TRPM3: variants seen among roughly 807,000 people sequenced by gnomAD.
TRPM3 encodes transient receptor potential cation channel subfamily M member 3, also known as long transient receptor potential channel 3.
In TRPM3, 77 loss-of-function variants were observed where a neutral mutation model predicts 181.2. The ratio of observed to expected loss-of-function variants is 0.42; its 90% CI spans 0.35 to 0.51. The LOEUF (loss-of-function observed/expected upper bound fraction) is 0.51, where lower values mean the gene tolerates loss of function less well. Ranked by LOEUF, TRPM3 falls within the 20% of genes least tolerant of loss-of-function variation. TRPM3 has a pLI of 0.01. For synonymous variants in TRPM3, 745 were observed against 796.4 expected, an observed-to-expected ratio of 0.94 and a Z score of 1.09; for missense variants, 1,759 against 2,196.7, an observed-to-expected ratio of 0.80 and a Z score of 3.98.
intron 22 of TRPM3, among the ~76,000 whole-genome samples, chr9:70,583,460 T>C (rs1342832063): frequency 6.6e-6 from 1 of 152,208 alleles, no homozygotes; most frequent in Non-Finnish European, 1.5e-5. Flanking sequence ...AAGTGCTCTG[T>C]TAAAGGCAGA....
At chr9:70,972,031 A>G (rs2097252355) in intron 1 of TRPM3, among the ~76,000 whole-genome samples, 1 of 152,226 alleles carries the variant, frequency 6.6e-6, no homozygotes, top group Admixed American at 6.5e-5. Flanking sequence ...ACAGTCTAGC[A>G]GTTCCTCAAA....
intron 1 of TRPM3, among the ~76,000 whole-genome samples, chr9:71,417,827 A>G (rs2093659851): frequency 6.6e-6 from 1 of 151,972 alleles, no homozygotes; most frequent in Non-Finnish European, 1.5e-5. Context: ...CTGTATATCC[A>G]TCTTTATCTG....
At chr9:71,180,708 C>G (rs2077352821) in intron 1 of TRPM3, among the ~76,000 whole-genome samples, 1 of 152,062 alleles carries the variant, frequency 6.6e-6, no homozygotes, top group South Asian at 2.1e-4. Context: ...ATACTTTTTA[C>G]TAAAAAGAAG....
chr9:70,993,651 A>G (rs2097511025), intron 1 of TRPM3, among the ~76,000 whole-genome samples: 1 of 152,090 alleles, frequency 6.6e-6, no homozygotes, highest in Non-Finnish European at 1.5e-5. Context: ...CCAAGTCGAG[A>G]TGGTCTTTGA....
intron 1 of TRPM3, among the ~76,000 whole-genome samples, chr9:70,868,675 A>G (rs1264688603): frequency 1.3e-5 from 2 of 152,012 alleles, no homozygotes; most frequent in Non-Finnish European, 2.9e-5. Flanking sequence ...CCTCTTCAGC[A>G]GGGCAGCTTA....
chr9:71,435,316 C>T (rs1379318858), intron 1 of TRPM3, among the ~76,000 whole-genome samples: 2 of 152,134 alleles, frequency 1.3e-5, no homozygotes, highest in African/African-American at 2.4e-5. Context: ...TTCATTTCTC[C>T]CCTCTGTAGC....
intron 1 of TRPM3, among the ~76,000 whole-genome samples, chr9:71,153,792 G>T (rs1407847520): frequency 6.6e-6 from 1 of 152,056 alleles, no homozygotes; most frequent in Non-Finnish European, 1.5e-5. Flanking sequence ...GCTTTTTCAA[G>T]ACAACATCCC....
chr9:70,778,964 G>C (rs1279323502), intron 7 of TRPM3, among the ~76,000 whole-genome samples: 3 of 152,022 alleles, frequency 2.0e-5, no homozygotes, highest in Non-Finnish European at 4.4e-5. Context: ...AGAGAAACAC[G>C]CTTTTGCCAC....
chr9:71,053,059 A>G (rs2060236755), intron 1 of TRPM3, among the ~76,000 whole-genome samples: 1 of 149,404 alleles, frequency 6.7e-6, no homozygotes, highest in African/African-American at 2.5e-5. Flanking sequence ...TAACCAGCGA[A>G]TAAGTATACT....
At chr9:71,265,128 G>A (rs987581407) in intron 1 of TRPM3, among the ~76,000 whole-genome samples, 1 of 152,042 alleles carries the variant, frequency 6.6e-6, no homozygotes, top group Admixed American at 6.5e-5. Flanking sequence ...AGATGAATTA[G>A]AATTTTCATG....
At chr9:71,398,773 ATC>A (rs1452397164) in intron 1 of TRPM3, among the ~76,000 whole-genome samples, 1 of 152,154 alleles carries the variant, frequency 6.6e-6, no homozygotes, top group Non-Finnish European at 1.5e-5. Flanking sequence ...GACTCATACA[ATC>A]TCTATACTAA....
intron 1 of TRPM3, among the ~76,000 whole-genome samples, chr9:71,367,078 A>C (rs1718796277): frequency 6.6e-6 from 1 of 152,230 alleles, no homozygotes; most frequent in South Asian, 2.1e-4. Flanking sequence ...TAAACAAACC[A>C]AAATGATTTT....
intron 8 of TRPM3, among the ~76,000 whole-genome samples, chr9:70,685,616 A>G (rs1193966778): frequency 6.6e-6 from 1 of 152,182 alleles, no homozygotes; most frequent in Non-Finnish European, 1.5e-5. Context: ...TATGTTGCCC[A>G]GAGCGATCTC....
chr9:70,892,585 A>C (rs1386966994), intron 1 of TRPM3, among the ~76,000 whole-genome samples: 2 of 147,970 alleles, frequency 1.4e-5, no homozygotes, highest in African/African-American at 5.1e-5. Flanking sequence ...TTTAGGTTCA[A>C]GTTTCAAATT....
At chr9:71,322,536 C>A (rs955657201) in intron 1 of TRPM3, among the ~76,000 whole-genome samples, 1 of 152,058 alleles carries the variant, frequency 6.6e-6, no homozygotes, top group African/African-American at 2.4e-5. Context: ...CCAGCATGCT[C>A]TGGGTGAGTG....
chr9:71,142,201 C>T (rs2075145002), intron 1 of TRPM3, among the ~76,000 whole-genome samples: 1 of 152,154 alleles, frequency 6.6e-6, no homozygotes, highest in Admixed American at 6.6e-5. Context: ...TCTCTGGTTT[C>T]CTATTTCTCA....
chr9:70,787,421 G>T (rs2083933274), intron 6 of TRPM3, among the ~76,000 whole-genome samples: 1 of 151,934 alleles, frequency 6.6e-6, no homozygotes, highest in Non-Finnish European at 1.5e-5. Flanking sequence ...CCTTTATAGG[G>T]TACAAACAAA....
chr9:71,307,413 ATTTTC>A lies in TRPM3; in HGVS notation c.183+139235_183+139239del, dbSNP rs368932887. Among the ~76,000 whole-genome samples the A allele has an allele frequency of 2.6e-3, 396 of 152,190 alleles. 3 individuals carry two copies. The highest frequency in any genetic ancestry group is 8.8e-3 in the African/African-American group (367 of 41,554). On this transcript the variant is annotated intron_variant, in intron 1 of 24. Coordinates refer to the TRPM3 transcript ENST00000357533. ...TCATCTAAGAGCTGATAAGTATTCA[ATTTTC>A]TTTTATTTTTTCTTATATGTTTACA...
intron 1 of TRPM3, among the ~76,000 whole-genome samples, chr9:71,332,581 T>A (rs1211706210): frequency 2.6e-5 from 4 of 151,042 alleles, no homozygotes; most frequent in African/African-American, 7.3e-5. Context: ...AAAACAAAAA[T>A]GTGAAATCAG....
Sources: allele counts gnomAD v4.1 joint callset (sites outside exome capture counted in the v4.1 genomes callset), GRCh38; gene constraint gnomAD v4.1.1; transcripts MANE v1.5; gene names NCBI Gene and HGNC (gene_info 2026-07-23, HGNC 2026-07-21).